Variants in LRRC37A2 observed in about 807,000 individuals in gnomAD.
LRRC37A2 encodes the protein leucine-rich repeat-containing protein 37A2.
LRRC37A2 carries 9 observed loss-of-function variants against 68.8 expected under a neutral mutation model. That is an observed-to-expected ratio of 0.13 (90% CI 0.08 to 0.23). The LOEUF (loss-of-function observed/expected upper bound fraction) is 0.23. Ranked by LOEUF, LRRC37A2 falls within the 10% of genes least tolerant of loss-of-function variation. LRRC37A2 has a pLI of 1.00. For missense variants in LRRC37A2, 168 were observed against 950.4 expected (o/e 0.18, Z 10.82); for synonymous variants, 63 against 367.6 (o/e 0.17, Z 9.48).
chr17:46,852,640 A>G, the LRRC37A2 span, among the ~76,000 whole-genome samples: 1 of 151,964 alleles, frequency 6.6e-6, no homozygotes, highest in Admixed American at 6.6e-5. Flanking sequence ...TATCATGGGT[A>G]AGAAGGCACC....
the LRRC37A2 span, among the ~76,000 whole-genome samples, chr17:46,927,721 T>C: frequency 6.6e-6 from 1 of 152,204 alleles, no homozygotes; most frequent in Non-Finnish European, 1.5e-5. Flanking sequence ...CCTTTCCTTG[T>C]CTGTCTGCAC....
chr17:46,813,410 TC>T, the LRRC37A2 span, among the ~76,000 whole-genome samples: 382 of 140,086 alleles, frequency 2.7e-3, 12 homozygotes, highest in East Asian at 0.068. Context: ...CTCACCATTT[TC>T]CAGCATACAA....
At chr17:46,936,775 C>G in the LRRC37A2 span, 1 of 982,684 alleles carries the variant, frequency 1.0e-6, no homozygotes, top group Non-Finnish European at 1.2e-6. Flanking sequence ...TTGTCACTAT[C>G]TCGGGGAAAA....
chr17:46,971,011 AT>A, the LRRC37A2 span, among the ~76,000 whole-genome samples: 5 of 152,082 alleles, frequency 3.3e-5, no homozygotes, highest in African/African-American at 1.2e-4. Flanking sequence ...GTTTGCCAAC[AT>A]TTTTCTTTTT....
the LRRC37A2 span, among the ~76,000 whole-genome samples, chr17:46,789,423 G>A: frequency 2.0e-5 from 3 of 152,302 alleles, no homozygotes; most frequent in South Asian, 6.2e-4. Context: ...CAGCGTGGCA[G>A]GATCAGAGCC....
chr17:46,823,478 G>A, the LRRC37A2 span, among the ~76,000 whole-genome samples: 8 of 151,584 alleles, frequency 5.3e-5, no homozygotes, highest in Middle Eastern at 3.4e-3. Context: ...TCACTGTGTC[G>A]CCCAGGCTGG....
chr17:46,872,964 C>T, the LRRC37A2 span, among the ~76,000 whole-genome samples: 1 of 152,004 alleles, frequency 6.6e-6, no homozygotes, highest in Non-Finnish European at 1.5e-5. Context: ...CCAGCTGTGG[C>T]CCAGCCTCAG....
chr17:46,708,146 A>G, the LRRC37A2 span, among the ~76,000 whole-genome samples: 1 of 152,076 alleles, frequency 6.6e-6, no homozygotes, highest in East Asian at 1.9e-4. Flanking sequence ...TAATGCTGTC[A>G]TTAGCATGGC....
At chr17:46,755,370 G>GT in the LRRC37A2 span, 5 of 1,611,626 alleles carry the variant, frequency 3.1e-6, no homozygotes, top group Non-Finnish European at 3.4e-6. Context: ...AAGAAGGAGC[G>GT]TAAGTACATA....
chr17:46,502,734 T>G, the LRRC37A2 span, among the ~76,000 whole-genome samples: 1 of 151,266 alleles, frequency 6.6e-6, no homozygotes, highest in African/African-American at 2.5e-5. Context: ...TTTGTTTTTG[T>G]TTTTGTTTCA....
the LRRC37A2 span, among the ~76,000 whole-genome samples, chr17:46,901,001 A>C: frequency 1.3e-5 from 2 of 152,222 alleles, no homozygotes; most frequent in African/African-American, 2.4e-5. Flanking sequence ...ATGCAATGGA[A>C]ATTAATCAGA....
the LRRC37A2 span, among the ~76,000 whole-genome samples, chr17:46,760,386 T>A: frequency 6.6e-6 from 1 of 151,778 alleles, no homozygotes; most frequent in Non-Finnish European, 1.5e-5. Context: ...GTAGTCCCAA[T>A]GCTGAGAGGC....
the LRRC37A2 span, among the ~76,000 whole-genome samples, chr17:46,708,700 G>T: frequency 6.7e-6 from 1 of 148,646 alleles, no homozygotes; most frequent in African/African-American, 2.5e-5. Context: ...CACCATGTTG[G>T]CCAGGCTGGT....
chr17:46,733,889 G>A, the LRRC37A2 span, among the ~76,000 whole-genome samples: 35 of 152,266 alleles, frequency 2.3e-4, no homozygotes, highest in East Asian at 4.2e-3. Context: ...TAACTTCCTC[G>A]CTGCTCTGAC....
the LRRC37A2 span, among the ~76,000 whole-genome samples, chr17:46,796,783 A>ATGGCTGACTGAT: frequency 6.6e-6 from 1 of 152,298 alleles, no homozygotes; most frequent in South Asian, 2.1e-4. Flanking sequence ...GCTCAGCTGG[A>ATGGCTGACTGAT]TGGCTGACTG....
chr17:46,789,320 C>T, the LRRC37A2 span, among the ~76,000 whole-genome samples: 1 of 152,220 alleles, frequency 6.6e-6, no homozygotes, highest in Non-Finnish European at 1.5e-5. Context: ...CAGTCCCTGA[C>T]CAGCTGGCTA....
the LRRC37A2 span, among the ~76,000 whole-genome samples, chr17:46,808,781 G>T: frequency 1.3e-5 from 2 of 152,004 alleles, no homozygotes; most frequent in African/African-American, 4.8e-5. Context: ...AATAGGAAAC[G>T]TTTACAAGTG....
chr17:46,907,259 G>A, the LRRC37A2 span, among the ~76,000 whole-genome samples: 6 of 152,158 alleles, frequency 3.9e-5, no homozygotes, highest in Non-Finnish European at 7.3e-5. Context: ...GGGCTCTTCC[G>A]GGCCCAGCTC....
chr17:46,540,274 CAAG>C, intron 7 of LRRC37A2, 27 bp downstream of exon 6: 1 of 1,370,362 alleles, frequency 7.3e-7, no homozygotes, highest in Non-Finnish European at 9.8e-7. Context: ...TCTCATGAGT[CAAG>C]AGATGATTTA....
Sources: allele counts gnomAD v4.1 joint callset (sites outside exome capture counted in the v4.1 genomes callset), GRCh38; gene constraint gnomAD v4.1.1; transcripts MANE v1.5; gene names NCBI Gene and HGNC (gene_info 2026-07-23, HGNC 2026-07-21).